The following FRMD4A variants were observed in gnomAD, a reference collection of about 807,000 sequenced individuals.
FRMD4A encodes the protein FERM domain-containing protein 4A.
In FRMD4A, 29 loss-of-function variants were observed where a neutral mutation model predicts 129.1. The ratio of observed to expected loss-of-function variants is 0.22; its 90% CI spans 0.17 to 0.31. FRMD4A has a LOEUF of 0.31. Among genes scored for constraint, FRMD4A ranks in the 10% least tolerant of loss-of-function variants. The pLI, the probability that FRMD4A is intolerant of heterozygous loss-of-function variation, is 1.00. For missense variants in FRMD4A, 1,272 were observed against 1,375.8 expected (o/e 0.92, Z 1.19); for synonymous variants, 634 against 571.6 (o/e 1.11, Z -1.56).
At chr10:13,796,072 A>G (rs1232209027) in intron 5 of FRMD4A, among the ~76,000 whole-genome samples, 1 of 152,140 alleles carries the variant, frequency 6.6e-6, no homozygotes, top group Non-Finnish European at 1.5e-5. Flanking sequence ...CCTATTTGGG[A>G]TAAACTACCC....
At chr10:14,326,262 G>T (rs1843271339) in intron 2 of FRMD4A, 1 of 152,196 alleles carries the variant, frequency 6.6e-6, no homozygotes. Context: ...TGGAAACACA[G>T]AAAATGCTGA....
chr10:13,831,500 T>C (rs2093789507), intron 3 of FRMD4A, among the ~76,000 whole-genome samples: 1 of 152,180 alleles, frequency 6.6e-6, no homozygotes, highest in South Asian at 2.1e-4. Flanking sequence ...CAAGAAGGCT[T>C]TGAAGTCACA....
intron 2 of FRMD4A, among the ~76,000 whole-genome samples, chr10:13,911,840 G>T (rs1430929548): frequency 6.6e-6 from 1 of 152,128 alleles, no homozygotes; most frequent in Non-Finnish European, 1.5e-5. Context: ...AGGATTAGAG[G>T]TATGAGCCAC....
At chr10:13,690,898 T>A (rs1196848357) in intron 15 of FRMD4A, among the ~76,000 whole-genome samples, 1 of 152,216 alleles carries the variant, frequency 6.6e-6, no homozygotes, top group African/African-American at 2.4e-5. Flanking sequence ...GGATTTCTCT[T>A]CTAGCCCACC....
intron 5 of FRMD4A, among the ~76,000 whole-genome samples, chr10:13,790,248 A>C (rs1416222084): frequency 6.6e-6 from 1 of 152,170 alleles, no homozygotes; most frequent in Non-Finnish European, 1.5e-5. Flanking sequence ...AGGAGGTGAC[A>C]ACGAAAGGGG....
intron 2 of FRMD4A, among the ~76,000 whole-genome samples, chr10:14,185,744 G>A (rs183693370): frequency 2.8e-4 from 43 of 152,340 alleles, no homozygotes; most frequent in African/African-American, 9.9e-4. Context: ...GGCAACAGCA[G>A]TAGACCAGGC....
chr10:13,654,148 G>C (rs1280921686), intron 23 of FRMD4A: 6 of 554,784 alleles, frequency 1.1e-5, no homozygotes, highest in Non-Finnish European at 1.9e-5. Context: ...AAGAAGCACA[G>C]TCCCACTTCG....
chr10:13,801,281 A>G (rs2093248708), intron 4 of FRMD4A, among the ~76,000 whole-genome samples: 1 of 152,204 alleles, frequency 6.6e-6, no homozygotes, highest in Admixed American at 6.5e-5. Flanking sequence ...TCAAAAAAAA[A>G]ATGGTCAGGA....
chr10:13,824,321 CAAAAA>C (rs397721588), intron 3 of FRMD4A, among the ~76,000 whole-genome samples: 2 of 99,046 alleles, frequency 2.0e-5, no homozygotes, highest in African/African-American at 4.1e-5. Flanking sequence ...ACTAAAAATA[CAAAAA>C]AAAAAAAAAA....
chr10:14,185,752 G>A (rs1274372677), intron 2 of FRMD4A, among the ~76,000 whole-genome samples: 1 of 152,172 alleles, frequency 6.6e-6, no homozygotes, highest in Admixed American at 6.5e-5. Context: ...CAGTAGACCA[G>A]GCTAGTACCA....
intron 2 of FRMD4A, among the ~76,000 whole-genome samples, chr10:14,141,905 G>C (rs116793355): frequency 6.6e-6 from 1 of 152,070 alleles, no homozygotes; most frequent in Non-Finnish European, 1.5e-5. Flanking sequence ...GATGCCTGGC[G>C]TAGTGACTGA....
chr10:14,017,957 G>C (rs1353745883), intron 2 of FRMD4A, among the ~76,000 whole-genome samples: 1 of 152,108 alleles, frequency 6.6e-6, no homozygotes, highest in African/African-American at 2.4e-5. Flanking sequence ...GACCAGAATG[G>C]GTAAAACACC....
At chr10:14,292,916 A>C (rs924255854) in intron 2 of FRMD4A, among the ~76,000 whole-genome samples, 3 of 152,264 alleles carry the variant, frequency 2.0e-5, no homozygotes, top group African/African-American at 7.2e-5. Context: ...GTATGGTTAC[A>C]TTAAAATAAA....
chr10:13,712,079 C>A (rs145857473), intron 12 of FRMD4A: 9 of 152,336 alleles, frequency 5.9e-5, no homozygotes, highest in African/African-American at 2.2e-4. Context: ...TCCTTTTATA[C>A]GGTAAATGAT....
intron 2 of FRMD4A, among the ~76,000 whole-genome samples, chr10:13,909,894 A>T (rs1235834636): frequency 6.6e-6 from 1 of 152,240 alleles, no homozygotes; most frequent in East Asian, 1.9e-4. Context: ...CCTTTGTTAT[A>T]GACATGGCCA....
chr10:13,935,986 A>G (rs1330059320), intron 2 of FRMD4A, among the ~76,000 whole-genome samples: 2 of 152,192 alleles, frequency 1.3e-5, no homozygotes, highest in African/African-American at 4.8e-5. Flanking sequence ...TTGTATAACT[A>G]AAGGGAAATG....
intron 2 of FRMD4A, among the ~76,000 whole-genome samples, chr10:13,969,915 A>T (rs2095507615): frequency 6.6e-6 from 1 of 152,222 alleles, no homozygotes; most frequent in South Asian, 2.1e-4. Flanking sequence ...AGGGCTTCAA[A>T]ACTCATTTGT....
At position 13,845,173 on chromosome 10, in the gene FRMD4A, C is replaced by T. The variant is rs188249990; in HGVS notation, c.111+13674G>A. Among the ~76,000 whole-genome samples the T allele has an allele frequency of 5.9e-5, 9 of 152,314 alleles. No homozygotes were observed. In the South Asian group the frequency reaches 1.7e-3, roughly 28 times the overall value. The stretch of plus-strand genomic sequence containing the variant: ...TGACTGATTTGACATCACTGGAGCA[C>T]AAAACCTAGTCCACTTATTTAGATG... On this transcript the variant is annotated intron_variant, in intron 3 of 24. Transcript: ENST00000357447.
chr10:13,709,844 A>C (rs558889981), intron 12 of FRMD4A, among the ~76,000 whole-genome samples: 2 of 151,210 alleles, frequency 1.3e-5, no homozygotes, highest in African/African-American at 4.9e-5. Context: ...TTCTTTCTTT[A>C]TATCTTTATT....
Sources: allele counts gnomAD v4.1 joint callset (sites outside exome capture counted in the v4.1 genomes callset), GRCh38; gene constraint gnomAD v4.1.1; transcripts MANE v1.5; gene names NCBI Gene and HGNC (gene_info 2026-07-23, HGNC 2026-07-21).